Variants in DZANK1 observed in about 807,000 individuals in gnomAD.
The protein encoded by DZANK1 is double zinc ribbon and ankyrin repeat-containing protein 1.
A neutral mutation model predicts 94.5 loss-of-function variants in DZANK1; 91 were observed. That is an observed-to-expected ratio of 0.96 (90% CI 0.81 to 1.15). The LOEUF is 1.15. DZANK1 is among the 50% of genes most tolerant of loss of function. The probability of loss-of-function intolerance (pLI) is 0.00; values close to 1 mark genes in which losing one functional copy is unlikely to be tolerated. For missense variants in DZANK1, 903 were observed against 916.4 expected (o/e 0.99, Z 0.19); for synonymous variants, 312 against 325.3 (o/e 0.96, Z 0.44).
intron 3 of DZANK1, 38 bp from the exon 4 acceptor site, chr20:18,455,399 A>T: frequency 6.9e-7 from 1 of 1,447,228 alleles, no homozygotes; most frequent in Non-Finnish European, 9.4e-7. Flanking sequence ...AGTCTGTGTT[A>T]CACAAAGATT....
chr20:18,434,109 CAATT>C (rs2058409321), intron 8 of DZANK1, among the ~76,000 whole-genome samples: 1 of 150,902 alleles, frequency 6.6e-6, no homozygotes, highest in Non-Finnish European at 1.5e-5. Context: ...AATAAAATAA[CAATT>C]ACTTTTATTA....
chr20:18,450,917 A>C (rs1323969537), intron 6 of DZANK1, among the ~76,000 whole-genome samples: 1 of 152,156 alleles, frequency 6.6e-6, no homozygotes, highest in Non-Finnish European at 1.5e-5. Context: ...TTATAGTAGT[A>C]AGAATGCACT....
chr20:18,434,264 G>C (rs1156301087), intron 8 of DZANK1, among the ~76,000 whole-genome samples: 1 of 151,996 alleles, frequency 6.6e-6, no homozygotes, highest in Non-Finnish European at 1.5e-5. Context: ...TGAATCACAG[G>C]CTGGGTGCGG....
intron 12 of DZANK1, among the ~76,000 whole-genome samples, chr20:18,413,789 AG>A (rs2057367716): frequency 6.6e-6 from 1 of 152,144 alleles, no homozygotes; most frequent in Non-Finnish European, 1.5e-5. Context: ...CAAAAAAAAA[AG>A]GTCATGAACT....
chr20:18,393,921 C>A, intron 16 of DZANK1, 110 bp from the exon 17 acceptor site: 1 of 752,152 alleles, frequency 1.3e-6, no homozygotes, highest in African/African-American at 1.8e-5. Context: ...AAATGGCTAT[C>A]ATAGAAATTT....
chr20:18,424,256 C>T lies in DZANK1; in HGVS notation c.954+2811G>A, dbSNP rs372701540. ...CCTGAGGTCAGTTGTTCAAAACCAGCCTGGCCAATATGGTGAAACCCCATC... is the reference window on the plus strand; with the variant it reads ...CCTGAGGTCAGTTGTTCAAAACCAGTCTGGCCAATATGGTGAAACCCCATC... On this transcript the variant is annotated intron_variant, in intron 10 of 20. Transcript: ENST00000262547. Among the ~76,000 whole-genome samples the T allele has an allele frequency of 1.0e-3, 154 of 152,216 alleles. 2 individuals are homozygous for T. The highest frequency in any genetic ancestry group is 3.4e-3 in the African/African-American group (140 of 41,528).
chr20:18,400,278 G>A (rs995832567), intron 13 of DZANK1, among the ~76,000 whole-genome samples: 5 of 152,190 alleles, frequency 3.3e-5, no homozygotes, highest in African/African-American at 9.7e-5. Context: ...AAGAACGAAT[G>A]TGTTAAAAAC....
At chr20:18,394,742 G>T (rs1221489999) in intron 15 of DZANK1, 2 of 463,954 alleles carry the variant, frequency 4.3e-6, no homozygotes, top group Non-Finnish European at 8.7e-6. Flanking sequence ...TGGAATTAGG[G>T]TGTCATGATG....
At chr20:18,418,355 G>A (rs971129582) in intron 10 of DZANK1, among the ~76,000 whole-genome samples, 2 of 152,152 alleles carry the variant, frequency 1.3e-5, no homozygotes, top group Non-Finnish European at 2.9e-5. Flanking sequence ...AAACAAGAAA[G>A]AGAGAAGATC....
intron 19 of DZANK1, among the ~76,000 whole-genome samples, chr20:18,385,848 G>C (rs2048457101): frequency 6.6e-6 from 1 of 152,174 alleles, no homozygotes; most frequent in South Asian, 2.1e-4. Flanking sequence ...GGGCAGGCCT[G>C]AGAGGTCAGA....
intron 15 of DZANK1, among the ~76,000 whole-genome samples, chr20:18,395,120 G>T (rs2056263360): frequency 6.6e-6 from 1 of 152,168 alleles, no homozygotes; most frequent in African/African-American, 2.4e-5. Context: ...CCAGCACTTT[G>T]GGAGGCTGAG....
chr20:18,435,315 A>G (rs922972666), intron 8 of DZANK1, among the ~76,000 whole-genome samples: 1 of 152,178 alleles, frequency 6.6e-6, no homozygotes, highest in Admixed American at 6.5e-5. Context: ...CTGCTCTACT[A>G]TTTACGACAG....
At chr20:18,461,470 T>A (rs2059469845) in intron 2 of DZANK1, among the ~76,000 whole-genome samples, 1 of 152,184 alleles carries the variant, frequency 6.6e-6, no homozygotes, top group Non-Finnish European at 1.5e-5. Context: ...TTTTTCCTTT[T>A]CTTTGTTTCT....
intron 13 of DZANK1, among the ~76,000 whole-genome samples, chr20:18,401,668 T>C (rs544610096): frequency 1.3e-5 from 2 of 152,220 alleles, no homozygotes; most frequent in Non-Finnish European, 2.9e-5. Context: ...CTGCACTCAT[T>C]CAAATGTCTG....
chr20:18,445,832 C>T (rs1217225061), intron 7 of DZANK1, among the ~76,000 whole-genome samples: 1 of 152,212 alleles, frequency 6.6e-6, no homozygotes, highest in Non-Finnish European at 1.5e-5. Flanking sequence ...TCTCGGCTCA[C>T]TGCAGCCTCC....
rs113273535 is a variant in DZANK1, at chr20:18,441,034, A to G, written c.747+2313T>C. ...ATAGGAGCCCTCTGGTTCCTGCACC[A>G]TGACTTAAAGGTCCTGAGCTTGTCG... On this transcript the variant is annotated intron_variant, in intron 8 of 20. Coordinates refer to ENST00000262547, the Ensembl canonical transcript of DZANK1. This position sits in a 1 kb window ranked among gnomAD's most constrained non-coding sequence, Gnocchi z 4.1. 0.025 allele frequency among the ~76,000 whole-genome samples: 3,841 copies of G among 152,296 alleles called. 74 individuals are homozygous for G. The highest frequency in any genetic ancestry group is 0.046 in the African/African-American group (1,929 of 41,568).
intron 8 of DZANK1, among the ~76,000 whole-genome samples, chr20:18,436,392 C>G (rs912875572): frequency 7.0e-6 from 1 of 142,450 alleles, no homozygotes; most frequent in African/African-American, 2.6e-5. Context: ...TGCAGTGAGC[C>G]GAGATCGTAC....
intron 19 of DZANK1, among the ~76,000 whole-genome samples, chr20:18,388,321 G>A (rs1272769555): frequency 1.3e-5 from 2 of 152,308 alleles, no homozygotes; most frequent in Admixed American, 6.5e-5. Flanking sequence ...GACATGCAAT[G>A]AGATCACATG....
chr20:18,428,033 C>T (rs1301282546), intron 9 of DZANK1, among the ~76,000 whole-genome samples: 1 of 151,372 alleles, frequency 6.6e-6, no homozygotes, highest in Admixed American at 6.6e-5. Flanking sequence ...CGCCTGTAGT[C>T]CCAGCTGCTG....
Sources: gnomAD v4.1 joint callset for allele counts (sites outside exome capture counted in the v4.1 genomes callset) on GRCh38, gnomAD v4.1.1 for gene constraint, Gnocchi (gnomAD v3.1) non-coding constraint, MANE v1.5 for transcripts, NCBI Gene and HGNC (gene_info 2026-07-23, HGNC 2026-07-21) for gene names.